MACROD2: variants seen among roughly 807,000 people sequenced by gnomAD.
MACROD2 encodes the protein mono-ADP ribosylhydrolase 2.
A neutral mutation model predicts 70.4 loss-of-function variants in MACROD2; 36 were observed. The ratio of observed to expected loss-of-function variants is 0.51; its 90% CI spans 0.39 to 0.68. The LOEUF (loss-of-function observed/expected upper bound fraction) is 0.68, where lower values mean the gene tolerates loss of function less well. Ranked by LOEUF, MACROD2 falls within the 30% of genes least tolerant of loss-of-function variation. The probability of loss-of-function intolerance (pLI) is 0.00; values close to 1 mark genes in which losing one functional copy is unlikely to be tolerated. For missense variants in MACROD2, 496 were observed against 538.4 expected, an observed-to-expected ratio of 0.92 and a Z score of 0.78; for synonymous variants, 172 against 178.8, an observed-to-expected ratio of 0.96 and a Z score of 0.30.
In MACROD2 at chr20:15,846,671, G is replaced by A. The variant is rs73248335; in HGVS notation, c.646-16074G>A. Reference sequence around the variant, plus strand: ...CATAACAAGCCTTACGTAAGCCATGGCTCATGCAGTCTAGAGCCGTCCTGT... The same window carrying A: ...CATAACAAGCCTTACGTAAGCCATGACTCATGCAGTCTAGAGCCGTCCTGT... On this transcript the variant is annotated intron_variant, in intron 8 of 17. Transcript: ENST00000684519. 7.4e-3 allele frequency among the ~76,000 whole-genome samples: 1,121 copies of A among 152,078 alleles called. 11 individuals carry two copies. The highest frequency in any genetic ancestry group is 0.025 in the African/African-American group (1,039 of 41,502).
At chr20:15,424,455 T>C (rs866167254) in intron 6 of MACROD2, among the ~76,000 whole-genome samples, 1 of 152,168 alleles carries the variant, frequency 6.6e-6, no homozygotes, top group South Asian at 2.1e-4. Context: ...CAGTGGCTCA[T>C]GCCTGGAATC....
rs557744646 is a variant in MACROD2, at chr20:15,795,023, A to G, written c.646-67722A>G. On this transcript the variant is annotated intron_variant, in intron 8 of 17. Coordinates refer to ENST00000684519, the MANE Select transcript of MACROD2 (RefSeq NM_001351661.2). Reference sequence around the variant, plus strand: ...ATTTAACAAGCATTTGACGGAGCATATCTTGTATGCTAGGTAGGTACTAAG... The same window carrying G: ...ATTTAACAAGCATTTGACGGAGCATGTCTTGTATGCTAGGTAGGTACTAAG... Among the ~76,000 whole-genome samples, 5 of 152,260 alleles carry G rather than the reference A, an allele frequency of 3.3e-5. No individual in the cohort carries two copies. In the South Asian group the frequency reaches 6.2e-4, roughly 19 times the overall value.
At position 14,005,540 on chromosome 20, in the gene MACROD2, C is replaced by T. The variant is rs79862238; in HGVS notation, c.163+3136C>T. ...GCCTTATGGGTTGGTGGGGCTTAAT[C>T]GTAAGTTAAATAAGAATGCCTGAAG... On this transcript the variant is annotated intron_variant, in intron 2 of 17. Transcript: ENST00000684519. Among the ~76,000 whole-genome samples, 379 of 151,898 alleles carry T rather than the reference C, an allele frequency of 2.5e-3. 1 individual carries two copies. The highest frequency in any genetic ancestry group is 4.4e-3 in the Non-Finnish European group (300 of 67,978).
chr20:15,261,504 C>T (rs762382760), intron 6 of MACROD2, among the ~76,000 whole-genome samples: 19 of 151,918 alleles, frequency 1.3e-4, no homozygotes, highest in Non-Finnish European at 2.4e-4. Flanking sequence ...GAAACCTGTA[C>T]TTTTTATAAT....
intron 3 of MACROD2, among the ~76,000 whole-genome samples, chr20:14,202,813 C>T (rs1324143616): frequency 6.6e-6 from 1 of 152,132 alleles, no homozygotes; most frequent in African/African-American, 2.4e-5. Context: ...CTTTGGGAGA[C>T]CAAGGTGGGT....
At chr20:14,468,009 T>C in intron 3 of MACROD2, among the ~76,000 whole-genome samples, 1 of 152,114 alleles carries the variant, frequency 6.6e-6, no homozygotes, top group Admixed American at 6.5e-5. Flanking sequence ...TTGCATTTAC[T>C]GATGAGTGTT....
At chr20:15,013,919 A>G (rs1208233328) in intron 5 of MACROD2, among the ~76,000 whole-genome samples, 1 of 152,208 alleles carries the variant, frequency 6.6e-6, no homozygotes, top group Non-Finnish European at 1.5e-5. Context: ...TAAGAAGATG[A>G]TGCAAATCAT....
intron 3 of MACROD2, among the ~76,000 whole-genome samples, chr20:14,296,949 T>G (rs2082432453): frequency 6.6e-6 from 1 of 151,966 alleles, no homozygotes; most frequent in Non-Finnish European, 1.5e-5. Flanking sequence ...ACAGTATGTC[T>G]TTCCTTGTGT....
intron 3 of MACROD2, among the ~76,000 whole-genome samples, chr20:14,240,892 A>G (rs2081923303): frequency 6.6e-6 from 1 of 152,162 alleles, no homozygotes; most frequent in Non-Finnish European, 1.5e-5. Context: ...GCACTTTGGG[A>G]GGCCGAGGTG....
At position 15,031,637 on chromosome 20, in the gene MACROD2, G is replaced by A. The variant is rs542408315; in HGVS notation, c.419-198303G>A. On this transcript the variant is annotated intron_variant, in intron 5 of 17. Transcript: ENST00000684519. ...GACTAAGTGGAGGAGACCTGAAATG[G>A]ATAGTTGATTCCCGCAGCTGTTAGT... Among the ~76,000 whole-genome samples, 5 of 152,260 alleles carry A rather than the reference G, an allele frequency of 3.3e-5. 1 individual carries two copies. The South Asian group carries it at 1.0e-3, about 32-fold the overall frequency.
At chr20:15,654,224 A>G (rs2049692117) in intron 8 of MACROD2, among the ~76,000 whole-genome samples, 1 of 152,206 alleles carries the variant, frequency 6.6e-6, no homozygotes, top group African/African-American at 2.4e-5. Flanking sequence ...AGTCAAGAGC[A>G]TCACCATTAT....
intron 6 of MACROD2, among the ~76,000 whole-genome samples, chr20:15,328,856 G>T (rs2077960962): frequency 6.6e-6 from 1 of 151,980 alleles, no homozygotes; most frequent in Non-Finnish European, 1.5e-5. Flanking sequence ...AGAAAAGAAT[G>T]CCAAAAGATA....
At chr20:15,201,644 C>T (rs1011646535) in intron 5 of MACROD2, among the ~76,000 whole-genome samples, 5 of 152,244 alleles carry the variant, frequency 3.3e-5, no homozygotes, top group Admixed American at 6.5e-5. Flanking sequence ...GAATCTTTTG[C>T]ACTTAAGGTA....
chr20:14,193,758 C>T (rs950590502), intron 3 of MACROD2, among the ~76,000 whole-genome samples: 6 of 152,162 alleles, frequency 3.9e-5, no homozygotes, highest in South Asian at 4.1e-4. Flanking sequence ...AACTCCTAAT[C>T]GCCTGCTGTA....
intron 4 of MACROD2, among the ~76,000 whole-genome samples, chr20:14,570,405 T>C (rs1407113449): frequency 6.6e-6 from 1 of 152,014 alleles, no homozygotes; most frequent in Non-Finnish European, 1.5e-5. Flanking sequence ...GTCTGTTTCT[T>C]GATCTAGGTG....
At chr20:15,210,875 C>G (rs2076757770) in intron 5 of MACROD2, among the ~76,000 whole-genome samples, 1 of 152,262 alleles carries the variant, frequency 6.6e-6, no homozygotes, top group East Asian at 1.9e-4. Flanking sequence ...GCCTGTACAG[C>G]CTGTGAAGCC....
chr20:15,228,450 A>G (rs1460818778), intron 5 of MACROD2, among the ~76,000 whole-genome samples: 1 of 151,772 alleles, frequency 6.6e-6, no homozygotes, highest in East Asian at 1.9e-4. Context: ...TTTAGTGGGC[A>G]ACCAACAGAG....
intron 12 of MACROD2, among the ~76,000 whole-genome samples, chr20:15,950,869 GAT>G (rs774422301): frequency 1.2e-4 from 18 of 152,180 alleles, no homozygotes; most frequent in Non-Finnish European, 2.2e-4. Context: ...GCTCAGGGGA[GAT>G]GGAAGTATGG....
At chr20:14,013,674 C>CTTTTTTTT (rs34386274) in intron 2 of MACROD2, among the ~76,000 whole-genome samples, 22 of 70,976 alleles carry the variant, frequency 3.1e-4, no homozygotes, top group Non-Finnish European at 3.9e-4. Context: ...TTATATTAAG[C>CTTTTTTTT]TTTTTTTTTT....
Sources: gnomAD v4.1 joint callset for allele counts (sites outside exome capture counted in the v4.1 genomes callset) on GRCh38, gnomAD v4.1.1 for gene constraint, MANE v1.5 for transcripts, NCBI Gene and HGNC (gene_info 2026-07-23, HGNC 2026-07-21) for gene names.